KCNU1: variants seen among roughly 807,000 people sequenced by gnomAD.
KCNU1 encodes the protein potassium channel subfamily U member 1.
KCNU1 carries 93 observed loss-of-function variants against 126.8 expected under a neutral mutation model. That is an observed-to-expected ratio of 0.73 (90% CI 0.62 to 0.87). The LOEUF (loss-of-function observed/expected upper bound fraction) is 0.87. KCNU1 is among the 40% of genes least tolerant of loss of function. KCNU1 has a pLI of 0.00. For missense variants in KCNU1, 1,330 were observed against 1,367.1 expected (o/e 0.97, Z 0.43); for synonymous variants, 523 against 494.2 (o/e 1.06, Z -0.77).
intron 19 of KCNU1, among the ~76,000 whole-genome samples, chr8:36,881,135 G>C (rs1047255992): frequency 6.6e-6 from 1 of 152,204 alleles, no homozygotes; most frequent in Admixed American, 6.5e-5. Flanking sequence ...ACAAGACCGG[G>C]CAGCCACTAA....
chr8:36,846,385 G>T (rs1805146107), intron 18 of KCNU1, among the ~76,000 whole-genome samples: 1 of 152,102 alleles, frequency 6.6e-6, no homozygotes, highest in Non-Finnish European at 1.5e-5. Context: ...TGGTGCCGAG[G>T]GAATGTAATT....
At chr8:36,923,863 T>C (rs1178996991) in intron 24 of KCNU1, among the ~76,000 whole-genome samples, 2 of 152,128 alleles carry the variant, frequency 1.3e-5, no homozygotes, top group East Asian at 3.9e-4. Context: ...AAGGAAGCAA[T>C]AACATTTCCA....
chr8:36,908,014 GAGAA>G (rs1205843243), intron 20 of KCNU1, among the ~76,000 whole-genome samples: 4 of 151,896 alleles, frequency 2.6e-5, no homozygotes, highest in Non-Finnish European at 5.9e-5. Context: ...TAAAGAAATT[GAGAA>G]CCAGAGAGGT....
chr8:36,831,083 T>A (rs1274862139), intron 10 of KCNU1, among the ~76,000 whole-genome samples: 1 of 152,064 alleles, frequency 6.6e-6, no homozygotes, highest in Non-Finnish European at 1.5e-5. Flanking sequence ...ACAAGGGACA[T>A]GAACTCATCA....
intron 12 of KCNU1, among the ~76,000 whole-genome samples, chr8:36,836,011 T>C (rs1804734217): frequency 6.6e-6 from 1 of 152,202 alleles, no homozygotes. Context: ...AGCTAAAACA[T>C]GAAACTGTTG....
intron 19 of KCNU1, among the ~76,000 whole-genome samples, chr8:36,876,336 A>T (rs1806277501): frequency 6.6e-6 from 1 of 152,190 alleles, no homozygotes; most frequent in Non-Finnish European, 1.5e-5. Context: ...AAAACAGACA[A>T]GGAACCATCC....
intron 2 of KCNU1, among the ~76,000 whole-genome samples, chr8:36,789,611 A>G (rs1172686921): frequency 6.6e-6 from 1 of 152,194 alleles, no homozygotes; most frequent in Non-Finnish European, 1.5e-5. Flanking sequence ...TAGTGGGGGT[A>G]GATACGAAAA....
intron 19 of KCNU1, chr8:36,889,142 G>A (rs751183335): frequency 1.9e-6 from 1 of 533,958 alleles, no homozygotes; most frequent in Non-Finnish European, 3.8e-6. Flanking sequence ...GCCTTCCAAA[G>A]TGCTTGGATT....
rs1370976848 is a variant in KCNU1, at chr8:36,841,119, T to G, written c.1703+116T>G. ...TGCAGCTATAACTAAGCTTTTTCCC[T>G]TTGGTGGATTGGCTGAGAGGCAGCC... On this transcript the variant is annotated intron_variant, in intron 16 of 26. Coordinates refer to ENST00000399881, the MANE Select transcript of KCNU1 (RefSeq NM_001031836.3). 3 of 716,182 alleles carry G rather than the reference T, an allele frequency of 4.2e-6. No individual in the cohort carries two copies. In the African/African-American group the frequency reaches 5.4e-5, roughly 13 times the overall value. The allele number at this position is 716,182 out of a possible 1,614,324, so 44.4% of individuals were successfully genotyped here. A position where few individuals can be genotyped will look rare whatever the true frequency, so the allele number is the denominator to read the frequency against.
chr8:36,929,811 G>A (rs138168485), intron 24 of KCNU1, among the ~76,000 whole-genome samples: 37 of 152,210 alleles, frequency 2.4e-4, no homozygotes, highest in East Asian at 1.2e-3. Context: ...GCCTGGTTTC[G>A]TGTCAGGATA....
intron 23 of KCNU1, among the ~76,000 whole-genome samples, 198 bp from the exon 24 acceptor site, chr8:36,922,292 T>G (rs1160249439): frequency 6.6e-6 from 1 of 151,838 alleles, no homozygotes; most frequent in African/African-American, 2.4e-5. Flanking sequence ...CCAATAGAAC[T>G]ATGTACTTTG....
At chr8:36,907,198 T>A (rs1462199931) in intron 20 of KCNU1, among the ~76,000 whole-genome samples, 1 of 152,160 alleles carries the variant, frequency 6.6e-6, no homozygotes, top group Non-Finnish European at 1.5e-5. Context: ...TCGGGGTATC[T>A]TTAAACTTGG....
At chr8:36,878,107 G>A (rs1005088076) in intron 19 of KCNU1, among the ~76,000 whole-genome samples, 1 of 152,056 alleles carries the variant, frequency 6.6e-6, no homozygotes, top group South Asian at 2.1e-4. Context: ...TATAAAGAAT[G>A]ATCTCTTTTC....
At chr8:36,880,560 C>CA in intron 19 of KCNU1, among the ~76,000 whole-genome samples, 1 of 152,040 alleles carries the variant, frequency 6.6e-6, no homozygotes, top group South Asian at 2.1e-4. Flanking sequence ...CGTTCTCAAG[C>CA]AAAAAGGAGA....
intron 19 of KCNU1, among the ~76,000 whole-genome samples, chr8:36,900,031 G>T (rs1237796393): frequency 6.6e-6 from 1 of 152,100 alleles, no homozygotes; most frequent in African/African-American, 2.4e-5. Context: ...AAGGGGGCTT[G>T]GTGCTTTGGA....
At chr8:36,818,152 CTG>C (rs1415140807) in intron 10 of KCNU1, among the ~76,000 whole-genome samples, 1 of 152,144 alleles carries the variant, frequency 6.6e-6, no homozygotes, top group African/African-American at 2.4e-5. Flanking sequence ...TGTTGTTGTT[CTG>C]TGCAGTCTAT....
intron 19 of KCNU1, among the ~76,000 whole-genome samples, chr8:36,867,030 A>G (rs918378924): frequency 3.9e-5 from 6 of 152,166 alleles, no homozygotes; most frequent in Non-Finnish European, 8.8e-5. Context: ...TACAGAAAAG[A>G]GAGGTTAATT....
chr8:36,928,772 C>A (rs1808607589), intron 24 of KCNU1: 1 of 483,572 alleles, frequency 2.1e-6, no homozygotes, highest in Non-Finnish European at 3.7e-6. Context: ...TATGCAGACA[C>A]AGCCTATCTT....
At chr8:36,853,073 G>C (rs538751218) in intron 18 of KCNU1, among the ~76,000 whole-genome samples, 1 of 152,284 alleles carries the variant, frequency 6.6e-6, no homozygotes, top group Admixed American at 6.5e-5. Context: ...TAGGCTGCCA[G>C]GTGCGGTGGC....
Sources: gnomAD v4.1 joint callset for allele counts (sites outside exome capture counted in the v4.1 genomes callset) on GRCh38, gnomAD v4.1.1 for gene constraint, MANE v1.5 for transcripts, NCBI Gene and HGNC (gene_info 2026-07-23, HGNC 2026-07-21) for gene names.